MGMT: variants seen among roughly 807,000 people sequenced by gnomAD.
The protein encoded by MGMT is O-6-methylguanine-DNA methyltransferase.
Under a neutral mutation model 15.9 loss-of-function variants are expected in MGMT, and 14 were observed. The ratio of observed to expected loss-of-function variants is 0.88; its 90% CI spans 0.58 to 1.37. The LOEUF (loss-of-function observed/expected upper bound fraction) is 1.37, where lower values mean the gene tolerates loss of function less well. Ranked by LOEUF, MGMT falls within the 40% of genes most tolerant of loss-of-function variation. MGMT has a pLI of 0.00. For synonymous variants in MGMT, 130 were observed against 118.2 expected (o/e 1.10, Z -0.65); for missense variants, 282 against 268.1 (o/e 1.05, Z -0.36).
rs1847569769 is a variant in MGMT, at chr10:129,659,364, A to AAAAC, written c.126-48528_126-48527insCAAA. Among the ~76,000 whole-genome samples, 1 of 151,886 alleles carries AAAAC rather than the reference A, an allele frequency of 6.6e-6. No homozygotes were observed. Among genetic ancestry groups the AAAAC allele is most frequent in the Non-Finnish European group, 1.5e-5 (1 of 68,004 alleles). On this transcript the variant is annotated intron_variant, in intron 2 of 4. Transcript: ENST00000651593. The surrounding 1 kb of genome is among the most constrained non-coding windows in gnomAD (Gnocchi z 4.1). ...AGAGCGAGACTCCCTGTGTGGAAAA[A>AAAAC]AAAAAAAAAGATACTCAGATGTAGC...
chr10:129,662,680 G>A (rs1354032984), intron 2 of MGMT, among the ~76,000 whole-genome samples: 1 of 152,084 alleles, frequency 6.6e-6, no homozygotes, highest in African/African-American at 2.4e-5. Flanking sequence ...GCACATGTGA[G>A]CAGCACATGT....
At chr10:129,513,936 T>G (rs1845711028) in intron 1 of MGMT, among the ~76,000 whole-genome samples, 1 of 152,206 alleles carries the variant, frequency 6.6e-6, no homozygotes, top group African/African-American at 2.4e-5. Flanking sequence ...ATACTTAATG[T>G]GAGTTTGCTT....
intron 2 of MGMT, among the ~76,000 whole-genome samples, chr10:129,671,517 G>C (rs76735923): frequency 0.028 from 4,274 of 152,118 alleles, 80 homozygotes; most frequent in Non-Finnish European, 0.045. Context: ...TAGCTCAGTA[G>C]CAGTCAAGTG....
intron 1 of MGMT, among the ~76,000 whole-genome samples, chr10:129,501,212 C>T (rs1302715922): frequency 3.9e-5 from 6 of 152,188 alleles, no homozygotes; most frequent in Non-Finnish European, 8.8e-5. Flanking sequence ...TCCATGTACT[C>T]ACTTGTTCAA....
chr10:129,731,663 G>A (rs541387724), intron 3 of MGMT, among the ~76,000 whole-genome samples: 4 of 152,140 alleles, frequency 2.6e-5, no homozygotes, highest in Admixed American at 6.5e-5. Flanking sequence ...CAAAGTGCTG[G>A]GATTACAGGC....
intron 1 of MGMT, among the ~76,000 whole-genome samples, chr10:129,506,821 T>C (rs1229681001): frequency 3.9e-5 from 6 of 151,934 alleles, no homozygotes; most frequent in Admixed American, 2.6e-4. Context: ...TCCTAACCAT[T>C]GTTCAAAACT....
At chr10:129,558,976 A>G (rs949600458) in intron 2 of MGMT, among the ~76,000 whole-genome samples, 12 of 152,174 alleles carry the variant, frequency 7.9e-5, no homozygotes, top group African/African-American at 2.9e-4. Flanking sequence ...CAGCTTTGGC[A>G]TATGGGATTC....
chr10:129,697,972 C>T (rs147362899), intron 2 of MGMT, among the ~76,000 whole-genome samples: 101 of 152,328 alleles, frequency 6.6e-4, no homozygotes, highest in Non-Finnish European at 1.3e-3. Context: ...TGGCACCAAG[C>T]GGTCAGTAGC....
intron 2 of MGMT, among the ~76,000 whole-genome samples, chr10:129,646,166 C>T (rs555742238): frequency 6.6e-5 from 10 of 152,206 alleles, no homozygotes; most frequent in African/African-American, 2.2e-4. Context: ...GTTCAGATGG[C>T]GGAAGGGAAG....
intron 2 of MGMT, among the ~76,000 whole-genome samples, chr10:129,650,225 G>A (rs574728909): frequency 6.6e-6 from 1 of 152,272 alleles, no homozygotes; most frequent in African/African-American, 2.4e-5. Context: ...CCTGGGAGGG[G>A]CTTGAGCAGC....
intron 2 of MGMT, among the ~76,000 whole-genome samples, chr10:129,665,072 A>G (rs1847641575): frequency 6.8e-6 from 1 of 146,332 alleles, no homozygotes; most frequent in Non-Finnish European, 1.5e-5. Flanking sequence ...TGGCACAGAA[A>G]TCTGACTTAA....
intron 2 of MGMT, among the ~76,000 whole-genome samples, chr10:129,650,424 C>A (rs1354748286): frequency 6.6e-6 from 1 of 152,168 alleles, no homozygotes; most frequent in African/African-American, 2.4e-5. Flanking sequence ...CTATTCTTAC[C>A]TTTGGGCTTC....
chr10:129,740,603 C>G (rs111591654), intron 3 of MGMT, among the ~76,000 whole-genome samples: 9 of 152,170 alleles, frequency 5.9e-5, no homozygotes, highest in Non-Finnish European at 8.8e-5. Flanking sequence ...CAGGAGGAAA[C>G]GGAGGGGCGA....
At chr10:129,503,882 ATAT>A in intron 1 of MGMT, among the ~76,000 whole-genome samples, 1 of 152,342 alleles carries the variant, frequency 6.6e-6, no homozygotes, top group East Asian at 1.9e-4. Context: ...CAAAGGTTAA[ATAT>A]TATAGCTAGT....
At chr10:129,579,718 G>A (rs1387733413) in intron 2 of MGMT, among the ~76,000 whole-genome samples, 5 of 152,222 alleles carry the variant, frequency 3.3e-5, no homozygotes, top group Non-Finnish European at 5.9e-5. Context: ...CTCTGTCTGC[G>A]TGGTATCTCT....
chr10:129,472,705 T>G (rs1467478671), intron 1 of MGMT, among the ~76,000 whole-genome samples: 5 of 152,200 alleles, frequency 3.3e-5, no homozygotes, highest in Non-Finnish European at 5.9e-5. Flanking sequence ...GAAGGAGGCC[T>G]GGCGCTGGGG....
chr10:129,468,545 C>T (rs1300126449), intron 1 of MGMT, among the ~76,000 whole-genome samples: 7 of 151,438 alleles, frequency 4.6e-5, no homozygotes, highest in African/African-American at 7.3e-5. Flanking sequence ...ACCACCAGTA[C>T]GGAGCTATAC....
At chr10:129,479,794 G>A (rs1281982046) in intron 1 of MGMT, among the ~76,000 whole-genome samples, 4 of 151,940 alleles carry the variant, frequency 2.6e-5, no homozygotes, top group Non-Finnish European at 5.9e-5. Flanking sequence ...GTTGGGGTGG[G>A]GGTGGAGTGG....
chr10:129,537,243 A>G (rs978231767), intron 2 of MGMT: 2 of 152,176 alleles, frequency 1.3e-5, no homozygotes, highest in African/African-American at 2.4e-5. Flanking sequence ...GAAAATACAT[A>G]AGAAACATAA....
Sources: allele counts gnomAD v4.1 joint callset (sites outside exome capture counted in the v4.1 genomes callset), GRCh38; gene constraint gnomAD v4.1.1; non-coding constraint Gnocchi (gnomAD v3.1); transcripts MANE v1.5; gene names NCBI Gene and HGNC (gene_info 2026-07-23, HGNC 2026-07-21).